The following IPCEF1 variants were observed in gnomAD, a reference collection of about 807,000 sequenced individuals.
The protein encoded by IPCEF1 is interaction protein for cytohesin exchange factors 1, also known as interactor protein for cytohesin exchange factors 1.
In IPCEF1, 31 loss-of-function variants were observed where a neutral mutation model predicts 50.9. The observed-to-expected ratio is 0.61, with a 90% CI of 0.46 to 0.82. The LOEUF (loss-of-function observed/expected upper bound fraction) is 0.82. IPCEF1 is among the 40% of genes least tolerant of loss of function. The pLI is 0.00. For synonymous variants in IPCEF1, 181 were observed against 192.0 expected (o/e 0.94, Z 0.47); for missense variants, 458 against 514.0 (o/e 0.89, Z 1.05).
chr6:154,223,306 G>A (rs1008047235), intron 5 of IPCEF1, 63 bp from the exon 6 acceptor site: 3 of 1,229,154 alleles, frequency 2.4e-6, no homozygotes, highest in African/African-American at 1.5e-5. Context: ...AGTGCATTGA[G>A]ATCATATACA....
intron 1 of IPCEF1, among the ~76,000 whole-genome samples, chr6:154,303,386 G>A (rs369128863): frequency 9.2e-5 from 14 of 152,084 alleles, no homozygotes; most frequent in East Asian, 3.9e-4. Context: ...CACTGCACCC[G>A]GCCTATGATA....
chr6:154,170,001 C>T (rs919553598), intron 10 of IPCEF1, among the ~76,000 whole-genome samples: 3 of 152,142 alleles, frequency 2.0e-5, no homozygotes, highest in African/African-American at 7.2e-5. Flanking sequence ...CTTGATGATA[C>T]CGTTGGAGCC....
chr6:154,195,272 C>T (rs985261249), intron 10 of IPCEF1, among the ~76,000 whole-genome samples: 14 of 151,568 alleles, frequency 9.2e-5, no homozygotes, highest in African/African-American at 2.9e-4. Flanking sequence ...CTCAGCCTCC[C>T]GAGTAGGTGG....
intron 3 of IPCEF1, among the ~76,000 whole-genome samples, chr6:154,262,748 C>T (rs1477747109): frequency 6.8e-6 from 1 of 146,228 alleles, no homozygotes; most frequent in Non-Finnish European, 1.5e-5. Flanking sequence ...CCAAATAGTA[C>T]ATATACACAT....
At chr6:154,217,673 T>A (rs1271471496) in intron 7 of IPCEF1, among the ~76,000 whole-genome samples, 2 of 152,246 alleles carry the variant, frequency 1.3e-5, no homozygotes, top group East Asian at 1.9e-4. Flanking sequence ...GTTCATTTTT[T>A]AAAATTGACC....
intron 1 of IPCEF1, among the ~76,000 whole-genome samples, chr6:154,312,295 G>T (rs917982535): frequency 3.3e-5 from 5 of 152,148 alleles, no homozygotes; most frequent in Admixed American, 6.6e-5. Context: ...GTATAATGGT[G>T]GTTGTCAGGG....
At chr6:154,209,656 A>C (rs1490728333) in intron 9 of IPCEF1, among the ~76,000 whole-genome samples, 3 of 151,966 alleles carry the variant, frequency 2.0e-5, no homozygotes, top group African/African-American at 7.2e-5. Context: ...AAAAAAAAAA[A>C]AAAAAGTTAC....
At chr6:154,330,526 A>G (rs1261974872) in intron 1 of IPCEF1, among the ~76,000 whole-genome samples, 1 of 151,712 alleles carries the variant, frequency 6.6e-6, no homozygotes, top group African/African-American at 2.4e-5. Flanking sequence ...AGGTCTTACT[A>G]TGTTGCCCAG....
intron 10 of IPCEF1, among the ~76,000 whole-genome samples, chr6:154,191,943 A>T (rs1009011902): frequency 2.0e-5 from 3 of 152,184 alleles, no homozygotes; most frequent in Non-Finnish European, 2.9e-5. Context: ...TCTCCACAGC[A>T]GCATTTTACA....
chr6:154,343,167 T>G (rs999685258), intron 1 of IPCEF1, among the ~76,000 whole-genome samples: 1 of 152,148 alleles, frequency 6.6e-6, no homozygotes, highest in Admixed American at 6.6e-5. Context: ...GGCTCGAGTT[T>G]TTCCCAGAAA....
chr6:154,310,800 T>A (rs1360143344), intron 1 of IPCEF1, among the ~76,000 whole-genome samples: 1 of 151,752 alleles, frequency 6.6e-6, no homozygotes, highest in Non-Finnish European at 1.5e-5. Context: ...TCTAAAAACT[T>A]AATCTCATAG....
intron 3 of IPCEF1, among the ~76,000 whole-genome samples, chr6:154,260,476 C>CTTT (rs34318796): frequency 3.5e-5 from 5 of 144,332 alleles, no homozygotes; most frequent in South Asian, 2.2e-4. Context: ...GACCAGAGAA[C>CTTT]TTTTTTTTTT....
chr6:154,172,921 C>T lies in IPCEF1; in HGVS notation c.911-4808G>A, dbSNP rs558367885. On this transcript the variant is annotated intron_variant, in intron 10 of 11. Coordinates refer to ENST00000367220, the MANE Select transcript of IPCEF1 (RefSeq NM_001130700.2). The stretch of plus-strand genomic sequence containing the variant: ...TCACCTCCCAGTAGGGGCTGACAGA[C>T]ACCTCATATCAGTGGGTGCCCCTCT... Among the ~76,000 whole-genome samples the T allele has an allele frequency of 3.0e-4, 46 of 152,312 alleles. 1 individual carries two copies. The highest frequency in any genetic ancestry group is 1.1e-3 in the African/African-American group (46 of 41,586).
In IPCEF1 at chr6:154,186,490, C is replaced by G. The variant is rs1033018890; in HGVS notation, c.910+13178G>C. On this transcript the variant is annotated intron_variant, in intron 10 of 11. Transcript: ENST00000367220. ...AACACAGGCAGCAGCCACCTCGCCGCCTATCCTCCTTTCGCAGATGCTCCC... is the reference window on the plus strand; with the variant it reads ...AACACAGGCAGCAGCCACCTCGCCGGCTATCCTCCTTTCGCAGATGCTCCC... Among the ~76,000 whole-genome samples, 3 of 152,316 alleles carry G rather than the reference C, an allele frequency of 2.0e-5. No individual in the cohort carries two copies. In the South Asian group the frequency reaches 6.2e-4, roughly 32 times the overall value.
chr6:154,250,473 T>G (rs1174672148), intron 3 of IPCEF1, among the ~76,000 whole-genome samples: 1 of 152,264 alleles, frequency 6.6e-6, no homozygotes, highest in Non-Finnish European at 1.5e-5. Flanking sequence ...AATTTTTCTT[T>G]GAAAATATGT....
At chr6:154,198,247 T>A (rs1776781570) in intron 10 of IPCEF1, among the ~76,000 whole-genome samples, 1 of 152,200 alleles carries the variant, frequency 6.6e-6, no homozygotes, top group Non-Finnish European at 1.5e-5. Flanking sequence ...ATTCTGTGCT[T>A]CCAAGGAGAT....
chr6:154,222,792 G>C lies in IPCEF1; in HGVS notation c.320+378C>G, dbSNP rs114201907. 1.7e-3 allele frequency among the ~76,000 whole-genome samples: 258 copies of C among 152,278 alleles called. 2 individuals carry two copies. The highest frequency in any genetic ancestry group is 5.8e-3 in the African/African-American group (243 of 41,556). On this transcript the variant is annotated intron_variant, in intron 6 of 11. Coordinates refer to ENST00000367220, the MANE Select transcript of IPCEF1 (RefSeq NM_001130700.2). The stretch of plus-strand genomic sequence containing the variant: ...CTCCATGAACTAAGAAAGAAAAGCT[G>C]GTCTTGCTGGCGTATCTGCAACTCG...
intron 5 of IPCEF1, among the ~76,000 whole-genome samples, chr6:154,229,145 G>A (rs967954232): frequency 6.6e-6 from 1 of 152,184 alleles, no homozygotes; most frequent in Non-Finnish European, 1.5e-5. Context: ...TTATCTGGTT[G>A]TTTGTCTGCT....
chr6:154,172,738 T>C (rs967048695), intron 10 of IPCEF1, among the ~76,000 whole-genome samples: 1 of 152,252 alleles, frequency 6.6e-6, no homozygotes, highest in Non-Finnish European at 1.5e-5. Context: ...AGGGCATATC[T>C]GAACAAAAGG....
Sources: gnomAD v4.1 joint callset for allele counts (sites outside exome capture counted in the v4.1 genomes callset) on GRCh38, gnomAD v4.1.1 for gene constraint, MANE v1.5 for transcripts, NCBI Gene and HGNC (gene_info 2026-07-23, HGNC 2026-07-21) for gene names.